The following CSTPP1 variants were observed in gnomAD, a reference collection of about 807,000 sequenced individuals.
CSTPP1 encodes the protein centriolar satellite-associated tubulin polyglutamylase complex regulator 1.
the CSTPP1 span, among the ~76,000 whole-genome samples, chr11:47,086,044 GCAGACTTGA>G: frequency 6.6e-6 from 1 of 151,732 alleles, no homozygotes; most frequent in Non-Finnish European, 1.5e-5. Context: ...GGTCACTTCA[GCAGACTTGA>G]CATCCATCTT....
chr11:47,122,347 G>A, the CSTPP1 span, among the ~76,000 whole-genome samples: 6 of 151,428 alleles, frequency 4.0e-5, no homozygotes, highest in East Asian at 1.2e-3. Context: ...ATGAAACAAG[G>A]TGTAGGGAAG....
chr11:47,046,108 A>C, the CSTPP1 span, among the ~76,000 whole-genome samples: 1 of 152,122 alleles, frequency 6.6e-6, no homozygotes, highest in Non-Finnish European at 1.5e-5. Context: ...TTTACATTTA[A>C]AAAGGTATAT....
At chr11:47,161,997 G>A in the CSTPP1 span, 27 of 1,030,690 alleles carry the variant, frequency 2.6e-5, no homozygotes, top group Non-Finnish European at 3.0e-5. Context: ...TCTCCTCACA[G>A]CAACTCCATT....
chr11:47,022,289 A>G, the CSTPP1 span, among the ~76,000 whole-genome samples: 1 of 149,674 alleles, frequency 6.7e-6, no homozygotes, highest in Non-Finnish European at 1.5e-5. Flanking sequence ...ACTCTATTCT[A>G]CATTGTATCT....
At chr11:47,069,716 A>AT in the CSTPP1 span, among the ~76,000 whole-genome samples, 39 of 149,584 alleles carry the variant, frequency 2.6e-4, no homozygotes, top group African/African-American at 4.6e-4. Flanking sequence ...TATTATTATT[A>AT]TTTTTTTTTT....
chr11:47,036,895 G>A, the CSTPP1 span, among the ~76,000 whole-genome samples: 2 of 125,472 alleles, frequency 1.6e-5, no homozygotes, highest in Non-Finnish European at 3.8e-5. Context: ...TGGCCAGGCT[G>A]GTCTCGAACT....
chr11:47,039,404 A>C, the CSTPP1 span, among the ~76,000 whole-genome samples: 4 of 127,832 alleles, frequency 3.1e-5, no homozygotes, highest in African/African-American at 9.9e-5. Flanking sequence ...CTGAGGCAGG[A>C]GAATCAGGCA....
the CSTPP1 span, among the ~76,000 whole-genome samples, chr11:46,941,813 G>A: frequency 1.3e-5 from 2 of 152,130 alleles, no homozygotes; most frequent in African/African-American, 4.8e-5. Flanking sequence ...TACTTATAGA[G>A]AAAACAAAAC....
At chr11:47,152,811 G>A in the CSTPP1 span, among the ~76,000 whole-genome samples, 115 of 152,314 alleles carry the variant, frequency 7.6e-4, no homozygotes, top group African/African-American at 2.6e-3. Context: ...CATGGAACAC[G>A]GGGAAAGCCT....
the CSTPP1 span, among the ~76,000 whole-genome samples, chr11:47,122,069 C>CAAAA: frequency 6.3e-3 from 138 of 21,984 alleles, 9 homozygotes; most frequent in African/African-American, 8.8e-3. Context: ...GACCCTGTCT[C>CAAAA]AAAAAAAAAA....
the CSTPP1 span, among the ~76,000 whole-genome samples, chr11:47,001,900 G>C: frequency 6.6e-6 from 1 of 152,090 alleles, no homozygotes; most frequent in Admixed American, 6.5e-5. Context: ...CCAAGACTTC[G>C]CTGATTTCCA....
At chr11:47,034,998 CT>C in the CSTPP1 span, among the ~76,000 whole-genome samples, 2 of 152,138 alleles carry the variant, frequency 1.3e-5, no homozygotes, top group Admixed American at 1.3e-4. Context: ...AATGACTTCA[CT>C]TTTTCTCAGA....
the CSTPP1 span, chr11:47,041,027 G>T: frequency 6.5e-6 from 1 of 152,748 alleles, no homozygotes; most frequent in South Asian, 1.0e-4. Flanking sequence ...TGGTGCTGCT[G>T]GGTGCTACAG....
the CSTPP1 span, among the ~76,000 whole-genome samples, chr11:47,066,407 G>A: frequency 6.6e-6 from 1 of 151,776 alleles, no homozygotes; most frequent in African/African-American, 2.4e-5. Context: ...TCATTGGTGT[G>A]ACTAAATGGT....
the CSTPP1 span, among the ~76,000 whole-genome samples, chr11:47,053,598 C>T: frequency 2.1e-5 from 3 of 145,492 alleles, no homozygotes; most frequent in East Asian, 2.0e-4. Context: ...CCAGCCTGGA[C>T]GACAGAGCAA....
chr11:47,094,480 CAGAG>C, the CSTPP1 span, among the ~76,000 whole-genome samples: 13 of 150,154 alleles, frequency 8.7e-5, no homozygotes, highest in Admixed American at 1.3e-4. Context: ...TTACCACACA[CAGAG>C]AGAGAGAGAG....
the CSTPP1 span, among the ~76,000 whole-genome samples, chr11:47,114,741 T>A: frequency 6.6e-6 from 1 of 152,156 alleles, no homozygotes; most frequent in South Asian, 2.1e-4. Context: ...GCTGCGACAA[T>A]GGGTTTTCTA....
chr11:47,021,790 G>C, the CSTPP1 span, among the ~76,000 whole-genome samples: 1 of 152,156 alleles, frequency 6.6e-6, no homozygotes, highest in Non-Finnish European at 1.5e-5. Context: ...CTAGTAAAAT[G>C]CAAGCCCAGC....
chr11:46,938,000 G>C, the CSTPP1 span, among the ~76,000 whole-genome samples: 2 of 151,790 alleles, frequency 1.3e-5, no homozygotes, highest in Middle Eastern at 3.2e-3. Context: ...TCAGCCTCCC[G>C]AGTAGTTGAG....
Sources: gnomAD v4.1 joint callset for allele counts (sites outside exome capture counted in the v4.1 genomes callset) on GRCh38, gnomAD v4.1.1 for gene constraint, MANE v1.5 for transcripts, NCBI Gene and HGNC (gene_info 2026-07-23, HGNC 2026-07-21) for gene names.